Variants in CAV1 observed in about 807,000 individuals in gnomAD.
CAV1 encodes caveolin-1.
Under a neutral mutation model 16.5 loss-of-function variants are expected in CAV1, and 10 were observed. The ratio of observed to expected loss-of-function variants is 0.61; its 90% CI spans 0.37 to 1.03. The LOEUF is 1.03. Among genes scored for constraint, CAV1 ranks in the 50% least tolerant of loss-of-function variants. The pLI is 0.01. For synonymous variants in CAV1, 76 were observed against 85.1 expected, an observed-to-expected ratio of 0.89 and a Z score of 0.59; for missense variants, 212 against 232.8, an observed-to-expected ratio of 0.91 and a Z score of 0.58.
chr7:116,555,606 G>A (rs937332001), intron 2 of CAV1, among the ~76,000 whole-genome samples: 3 of 98,568 alleles, frequency 3.0e-5, no homozygotes, highest in Non-Finnish European at 4.1e-5. Context: ...GAAAGAAAGA[G>A]AAAGAAAGAA....
chr7:116,556,746 A>G (rs149304041), intron 2 of CAV1, among the ~76,000 whole-genome samples: 54 of 151,086 alleles, frequency 3.6e-4, no homozygotes, highest in African/African-American at 1.3e-3. Context: ...GTAATAGACT[A>G]TTTTTTAATA....
chr7:116,525,068 T>G lies in CAV1; in HGVS notation c.6T>G (p.Ser2=), dbSNP rs1458644729. The part of the protein sequence containing the change: M[S]GGKYVDSEGH... ...TCATCCAGCCACGGGCCAGCATGTC[T>G]GGGGGCAAATACGTAGACTCGGAGG... Residue 2 remains serine, a synonymous_variant, in exon 1 of 3, where the codon TCT becomes TCG. Transcript: ENST00000341049. 1.9e-6 allele frequency: 3 copies of G among 1,614,078 alleles called. No individual in the cohort carries two copies. In the Admixed American group the frequency reaches 5.0e-5, roughly 27 times the overall value.
At chr7:116,557,285 T>A (rs1254498065) in intron 2 of CAV1, among the ~76,000 whole-genome samples, 1 of 152,214 alleles carries the variant, frequency 6.6e-6, no homozygotes, top group Non-Finnish European at 1.5e-5. Context: ...GTAAGCATCA[T>A]GTGCTTTTTC....
intron 2 of CAV1, among the ~76,000 whole-genome samples, chr7:116,537,030 A>G (rs1460593171): frequency 6.6e-6 from 1 of 151,490 alleles, no homozygotes; most frequent in African/African-American, 2.4e-5. Context: ...AAAAAAAAAA[A>G]AAGCCATTAA....
At position 116,555,890 on chromosome 7, in the gene CAV1, C is replaced by T. The variant is rs138810040; in HGVS notation, c.196-3056C>T. Among the ~76,000 whole-genome samples, 708 of 152,234 alleles carry T rather than the reference C, an allele frequency of 4.7e-3. 5 individuals are homozygous for T. Among genetic ancestry groups the T allele is most frequent in the African/African-American group, 0.016 (680 of 41,548 alleles). On this transcript the variant is annotated intron_variant, in intron 2 of 2. Coordinates refer to ENST00000341049, the MANE Select transcript of CAV1 (RefSeq NM_001753.5). The stretch of plus-strand genomic sequence containing the variant: ...CTGCCTCTATTGTTTCTTTAACCTG[C>T]CTTGCTTCCTTTTTCAGTTGCACCT...
chr7:116,531,844 T>A (rs1435915809), intron 2 of CAV1, among the ~76,000 whole-genome samples: 1 of 152,210 alleles, frequency 6.6e-6, no homozygotes, highest in African/African-American at 2.4e-5. Context: ...TATGAAGTCA[T>A]GCGTGGAATT....
chr7:116,525,177 G>C, intron 1 of CAV1, 85 bp downstream of exon 1: 3 of 1,611,654 alleles, frequency 1.9e-6, no homozygotes, highest in Non-Finnish European at 2.5e-6. Context: ...CCCGACTGCT[G>C]CCCTGGCCCC....
chr7:116,547,276 G>A (rs1474511), intron 2 of CAV1, among the ~76,000 whole-genome samples: 5,323 of 152,146 alleles, frequency 0.035, 128 homozygotes, highest in Non-Finnish European at 0.052. Flanking sequence ...AACTAGAAAC[G>A]GGTATGTTTT....
intron 1 of CAV1, chr7:116,526,285 C>T: frequency 1.5e-6 from 2 of 1,298,138 alleles, no homozygotes; most frequent in Non-Finnish European, 9.9e-7. Context: ...GAGGCAGGCG[C>T]GCCCTGCAGA....
chr7:116,528,990 G>A (rs11973393), intron 2 of CAV1, among the ~76,000 whole-genome samples: 2,244 of 152,006 alleles, frequency 0.015, 22 homozygotes, highest in Non-Finnish European at 0.025. Flanking sequence ...CCACCATGCC[G>A]GGTTAATATT....
At chr7:116,555,713 A>G (rs1794282483) in intron 2 of CAV1, among the ~76,000 whole-genome samples, 1 of 151,778 alleles carries the variant, frequency 6.6e-6, no homozygotes, top group South Asian at 2.1e-4. Context: ...AAAGCAAGAG[A>G]TTTTTTAAAT....
chr7:116,548,803 C>A (rs1794102681), intron 2 of CAV1, among the ~76,000 whole-genome samples: 1 of 152,142 alleles, frequency 6.6e-6, no homozygotes, highest in African/African-American at 2.4e-5. Flanking sequence ...GGAAATAATA[C>A]CTGCCTTGCA....
chr7:116,556,009 T>C (rs1265386411), intron 2 of CAV1, among the ~76,000 whole-genome samples: 2 of 152,194 alleles, frequency 1.3e-5, no homozygotes, highest in Non-Finnish European at 2.9e-5. Flanking sequence ...TAACATGTTA[T>C]TTTTGTCATG....
chr7:116,559,579 A>G lies in CAV1; in HGVS notation c.*292A>G. The G allele has an allele frequency of 1.9e-6, 1 of 528,734 alleles. No individual in the cohort carries two copies. Among genetic ancestry groups the G allele is most frequent in the Non-Finnish European group, 3.3e-6 (1 of 303,384 alleles). 32.8% of individuals were successfully genotyped at this position (528,734 alleles called of 1,614,324 possible). On this transcript the variant is annotated 3_prime_UTR_variant, in exon 3 of 3. Coordinates refer to ENST00000341049, the MANE Select transcript of CAV1 (RefSeq NM_001753.5). ...GGCTGAGATATGAACATATTGTTGA[A>G]AGGTAATTTGAGAGAAATATGAAGA...
At chr7:116,536,463 A>C (rs114021090) in intron 2 of CAV1, among the ~76,000 whole-genome samples, 1,998 of 152,276 alleles carry the variant, frequency 0.013, 37 homozygotes, top group African/African-American at 0.045. Context: ...AACCACAAAG[A>C]AGAGAGTTCT....
At chr7:116,535,942 C>G (rs1463544603) in intron 2 of CAV1, among the ~76,000 whole-genome samples, 2 of 152,110 alleles carry the variant, frequency 1.3e-5, no homozygotes, top group Non-Finnish European at 2.9e-5. Flanking sequence ...AATATTCTAT[C>G]TCATAGCAAT....
intron 2 of CAV1, among the ~76,000 whole-genome samples, chr7:116,549,280 C>A (rs1794112125): frequency 6.6e-6 from 1 of 152,202 alleles, no homozygotes; most frequent in South Asian, 2.1e-4. Context: ...GCGTGTCCAC[C>A]ACTTTGGGGC....
At chr7:116,531,140 A>G (rs1028680767) in intron 2 of CAV1, among the ~76,000 whole-genome samples, 7 of 152,242 alleles carry the variant, frequency 4.6e-5, no homozygotes, top group Admixed American at 1.3e-4. Flanking sequence ...TTAAAATGTT[A>G]TCCATCTTTT....
At chr7:116,542,153 G>C (rs1394786747) in intron 2 of CAV1, among the ~76,000 whole-genome samples, 2 of 152,184 alleles carry the variant, frequency 1.3e-5, no homozygotes, top group South Asian at 4.1e-4. Flanking sequence ...AGCATTATCT[G>C]TATGGCAAGC....
Sources: allele counts gnomAD v4.1 joint callset (sites outside exome capture counted in the v4.1 genomes callset), GRCh38; gene constraint gnomAD v4.1.1; transcripts MANE v1.5; gene names NCBI Gene and HGNC (gene_info 2026-07-23, HGNC 2026-07-21).